PRKG1: variants seen among roughly 807,000 people sequenced by gnomAD.
PRKG1 encodes cGMP-dependent protein kinase 1.
Under a neutral mutation model 88.1 loss-of-function variants are expected in PRKG1, and 35 were observed. The observed-to-expected ratio is 0.40, with a 90% CI of 0.30 to 0.53. PRKG1 has a LOEUF of 0.53. PRKG1 is among the 20% of genes least tolerant of loss of function. The pLI is 0.59. For missense variants in PRKG1, 540 were observed against 839.8 expected (o/e 0.64, Z 4.41); for synonymous variants, 303 against 292.5 (o/e 1.04, Z -0.37).
intron 4 of PRKG1, among the ~76,000 whole-genome samples, chr10:51,863,929 G>A (rs989640763): frequency 4.6e-5 from 7 of 152,106 alleles, no homozygotes; most frequent in African/African-American, 1.7e-4. Context: ...ACATGGAAAG[G>A]ATTTAGCTGG....
At chr10:52,173,008 A>G (rs900168496) in intron 9 of PRKG1, among the ~76,000 whole-genome samples, 1 of 152,228 alleles carries the variant, frequency 6.6e-6, no homozygotes, top group Admixed American at 6.5e-5. Flanking sequence ...TGTGCACATT[A>G]ACAAGGCATT....
chr10:51,444,388 A>C lies in PRKG1; in HGVS notation c.479-23335A>C, dbSNP rs984661861. Among the ~76,000 whole-genome samples, 6 of 151,842 alleles carry C rather than the reference A, an allele frequency of 4.0e-5. 1 individual carries two copies. The highest frequency in any genetic ancestry group is 8.8e-5 in the Non-Finnish European group (6 of 67,918). ...AGGCAAAGGTCAGAACTTGAAGAAAAAACTGAAATATGTGTTGCCTCCCTA... is the reference window on the plus strand; with the variant it reads ...AGGCAAAGGTCAGAACTTGAAGAAACAACTGAAATATGTGTTGCCTCCCTA... On this transcript the variant is annotated intron_variant, in intron 2 of 17. Coordinates refer to ENST00000373980, the MANE Select transcript of PRKG1 (RefSeq NM_006258.4).
At chr10:51,560,887 T>A (rs10998121) in intron 3 of PRKG1, among the ~76,000 whole-genome samples, 21,888 of 151,990 alleles carry the variant, frequency 0.14, 1,716 homozygotes, top group African/African-American at 0.2. Context: ...TTCAATAGTA[T>A]ATTTATTTAG....
chr10:51,426,481 G>C (rs1838589390), intron 2 of PRKG1, among the ~76,000 whole-genome samples: 1 of 152,110 alleles, frequency 6.6e-6, no homozygotes. Flanking sequence ...AAAGATAAAA[G>C]AGCATTATAT....
In PRKG1 at chr10:52,067,975, C is replaced by T. The variant is rs190749091; in HGVS notation, c.935+5344C>T. On this transcript the variant is annotated intron_variant, in intron 7 of 17. Transcript: ENST00000373980. ...ATCCCAGCACTTTGGGAGGCCGAGA[C>T]GGGCGGATCACGAGGTCAGGAGATC... Among the ~76,000 whole-genome samples, 3 of 143,746 alleles carry T rather than the reference C, an allele frequency of 2.1e-5. 1 individual carries two copies. The Admixed American group carries it at 2.1e-4, about 10-fold the overall frequency. The allele number at this position is 143,746 out of a possible 152,430, so 94.3% of individuals were successfully genotyped here. A position where few individuals can be genotyped will look rare whatever the true frequency, so the allele number is the denominator to read the frequency against.
intron 2 of PRKG1, among the ~76,000 whole-genome samples, chr10:51,400,850 G>C (rs1162680153): frequency 6.6e-6 from 1 of 152,186 alleles, no homozygotes; most frequent in Non-Finnish European, 1.5e-5. Flanking sequence ...GGTGTGTAAT[G>C]ATGGGAATGG....
chr10:52,066,537 G>T (rs7899949), intron 7 of PRKG1, among the ~76,000 whole-genome samples: 7 of 151,984 alleles, frequency 4.6e-5, no homozygotes, highest in Middle Eastern at 3.2e-3. Context: ...ATCACATTCA[G>T]GACTTGAATT....
intron 2 of PRKG1, among the ~76,000 whole-genome samples, chr10:51,284,865 C>CTTTTTTTTTTTTTTTTTTTTTTTTTATTT (rs5784867): frequency 1.9e-5 from 1 of 51,696 alleles, no homozygotes; most frequent in Non-Finnish European, 3.6e-5. Context: ...GTTGTGGGTA[C>CTTTTTTTTTTTTTTTTTTTTTTTTTATTT]TTTTTTTTTT....
chr10:52,117,491 G>C (rs568534473), intron 7 of PRKG1, among the ~76,000 whole-genome samples: 1 of 152,120 alleles, frequency 6.6e-6, no homozygotes, highest in South Asian at 2.1e-4. Context: ...TTTGGTGTGA[G>C]GGTTGAGGGA....
chr10:51,785,884 GTTAC>G (rs1279759639), intron 3 of PRKG1, among the ~76,000 whole-genome samples: 1 of 152,140 alleles, frequency 6.6e-6, no homozygotes, highest in African/African-American at 2.4e-5. Context: ...TAGATCAATA[GTTAC>G]TTAAGATCAT....
chr10:51,442,096 G>A (rs534380022), intron 2 of PRKG1, among the ~76,000 whole-genome samples: 1 of 150,352 alleles, frequency 6.7e-6, no homozygotes, highest in African/African-American at 2.4e-5. Flanking sequence ...CTGCATATTT[G>A]CTCACTAAAG....
At chr10:51,788,643 A>T (rs1838789801) in intron 3 of PRKG1, among the ~76,000 whole-genome samples, 1 of 152,192 alleles carries the variant, frequency 6.6e-6, no homozygotes, top group Non-Finnish European at 1.5e-5. Flanking sequence ...CAGCCTTGTC[A>T]TATACTTTCT....
chr10:51,637,654 A>G (rs554325139), intron 3 of PRKG1, among the ~76,000 whole-genome samples: 4 of 152,320 alleles, frequency 2.6e-5, no homozygotes, highest in African/African-American at 7.2e-5. Context: ...TATCCTCAGC[A>G]AACTAATGCA....
At chr10:51,107,078 G>A (rs1844853857) in intron 1 of PRKG1, among the ~76,000 whole-genome samples, 1 of 152,158 alleles carries the variant, frequency 6.6e-6, no homozygotes, top group Non-Finnish European at 1.5e-5. Flanking sequence ...GTCTGGGAAG[G>A]ACTTTTATTT....
chr10:51,437,752 T>C (rs1838977393), intron 2 of PRKG1, among the ~76,000 whole-genome samples: 1 of 151,368 alleles, frequency 6.6e-6, no homozygotes, highest in Non-Finnish European at 1.5e-5. Flanking sequence ...CAGTGGTTCT[T>C]AAACAGAGGT....
At chr10:51,016,736 T>TCGG (rs1277590184) in intron 1 of PRKG1, among the ~76,000 whole-genome samples, 2 of 137,684 alleles carry the variant, frequency 1.5e-5, no homozygotes, top group Non-Finnish European at 3.1e-5. Flanking sequence ...TGGCGCGATC[T>TCGG]CGGCTCACTG....
chr10:51,206,965 A>G (rs987412853), intron 2 of PRKG1, among the ~76,000 whole-genome samples: 1 of 152,202 alleles, frequency 6.6e-6, no homozygotes, highest in African/African-American at 2.4e-5. Context: ...TTGGAAAATG[A>G]ATCGTATTTG....
intron 1 of PRKG1, among the ~76,000 whole-genome samples, chr10:51,035,568 C>G (rs1843342447): frequency 6.6e-6 from 1 of 152,164 alleles, no homozygotes; most frequent in Non-Finnish European, 1.5e-5. Flanking sequence ...ATAACCTGCT[C>G]AAGGACACAG....
intron 2 of PRKG1, among the ~76,000 whole-genome samples, chr10:51,323,755 A>C (rs1474800560): frequency 6.6e-6 from 1 of 152,162 alleles, no homozygotes; most frequent in African/African-American, 2.4e-5. Flanking sequence ...GGTCACTTGA[A>C]GCTAAGATGG....
Sources: gnomAD v4.1 joint callset for allele counts (sites outside exome capture counted in the v4.1 genomes callset) on GRCh38, gnomAD v4.1.1 for gene constraint, MANE v1.5 for transcripts, NCBI Gene and HGNC (gene_info 2026-07-23, HGNC 2026-07-21) for gene names.